The following CPVL variants were observed in gnomAD, a reference collection of about 807,000 sequenced individuals.
CPVL encodes the protein probable serine carboxypeptidase CPVL.
CPVL carries 51 observed loss-of-function variants against 63.7 expected under a neutral mutation model. The observed-to-expected ratio is 0.80, with a 90% CI of 0.64 to 1.01. The LOEUF is 1.01. CPVL is among the 50% of genes least tolerant of loss of function. CPVL has a pLI of 0.00. For missense variants in CPVL, 530 were observed against 573.1 expected, an observed-to-expected ratio of 0.92 and a Z score of 0.77; for synonymous variants, 195 against 206.0, an observed-to-expected ratio of 0.95 and a Z score of 0.46.
intron 7 of CPVL, among the ~76,000 whole-genome samples, chr7:29,078,698 A>G (rs17748895): frequency 0.11 from 16,042 of 152,212 alleles, 1,064 homozygotes; most frequent in Middle Eastern, 0.15. Context: ...AAAGCTTATA[A>G]TGACTTCTGA....
chr7:29,086,397 T>C, intron 7 of CPVL, 87 bp downstream of exon 7: 2 of 928,936 alleles, frequency 2.2e-6, no homozygotes, highest in South Asian at 1.4e-5. Flanking sequence ...TATACATATA[T>C]AGATTTTAAA....
chr7:29,016,403 G>A (rs949602361), intron 12 of CPVL, among the ~76,000 whole-genome samples: 1 of 151,674 alleles, frequency 6.6e-6, no homozygotes, highest in Non-Finnish European at 1.5e-5. Flanking sequence ...GCTAGCAAGC[G>A]GCAAAATGAA....
intron 11 of CPVL, among the ~76,000 whole-genome samples, chr7:29,040,625 C>T (rs746017702): frequency 4.6e-5 from 7 of 152,158 alleles, no homozygotes; most frequent in Non-Finnish European, 7.4e-5. Context: ...TTTGCTTTCA[C>T]GTTTTAAGGA....
intron 3 of CPVL, among the ~76,000 whole-genome samples, chr7:29,098,403 G>C (rs140901639): frequency 1.2e-4 from 19 of 152,286 alleles, no homozygotes; most frequent in Admixed American, 9.2e-4. Context: ...GGGAAGAATG[G>C]CCATGAGCTG....
chr7:29,095,155 A>G lies in CPVL; in HGVS notation c.404-13T>C. 1 of 1,612,108 alleles carries G rather than the reference A, an allele frequency of 6.2e-7. No homozygotes were observed. Among genetic ancestry groups the G allele is most frequent in the Non-Finnish European group, 8.5e-7 (1 of 1,178,282 alleles). ...TCTCTGTCACGCACTGTGAAAACAA[A>G]GAAGAGGGGTGAGATAGAGTCGTGG... On this transcript the variant is annotated splice_polypyrimidine_tract_variant and intron_variant, in intron 4 of 12. Transcript: ENST00000265394.
At chr7:29,179,120 G>C (rs1797745414) in intron 5 of CPVL, among the ~76,000 whole-genome samples, 1 of 152,136 alleles carries the variant, frequency 6.6e-6, no homozygotes, top group African/African-American at 2.4e-5. Flanking sequence ...AGTCCTCATG[G>C]ACCCTTTGAA....
At chr7:29,054,031 C>T (rs1484610773) in intron 11 of CPVL, among the ~76,000 whole-genome samples, 2 of 151,996 alleles carry the variant, frequency 1.3e-5, no homozygotes, top group Non-Finnish European at 2.9e-5. Context: ...ATGACCACAC[C>T]ACTGTACTCC....
intron 2 of CPVL, among the ~76,000 whole-genome samples, chr7:29,186,123 T>C (rs1030385091): frequency 2.0e-5 from 3 of 152,106 alleles, no homozygotes; most frequent in African/African-American, 7.2e-5. Context: ...CCCTTGAAAT[T>C]CCTGCACTCA....
chr7:29,142,653 G>A (rs998848676), intron 1 of CPVL, among the ~76,000 whole-genome samples: 28 of 151,086 alleles, frequency 1.9e-4, no homozygotes, highest in African/African-American at 6.3e-4. Context: ...AGCCTCCTGA[G>A]TAGTTGGGAT....
chr7:29,011,536 C>T (rs2648651), intron 12 of CPVL: 54,756 of 152,138 alleles, frequency 0.36, 9,968 homozygotes, highest in Middle Eastern at 0.43. Flanking sequence ...GATGGTGCTA[C>T]AGCACTTCAG....
chr7:29,061,286 GC>G (rs1027830948), intron 11 of CPVL, among the ~76,000 whole-genome samples: 3 of 152,110 alleles, frequency 2.0e-5, no homozygotes, highest in African/African-American at 7.2e-5. Flanking sequence ...GGTGGCATGT[GC>G]CTGTAATCTC....
intron 12 of CPVL, among the ~76,000 whole-genome samples, chr7:29,025,682 T>C (rs1787424973): frequency 6.6e-6 from 1 of 151,886 alleles, no homozygotes; most frequent in Non-Finnish European, 1.5e-5. Context: ...AAACCAAAAG[T>C]GAGAAGGAGT....
Position 29,110,719 on chromosome 7 carries a change from C to G in CPVL, c.288+1985G>C, listed in dbSNP as rs374369934. 3.9e-5 allele frequency among the ~76,000 whole-genome samples: 6 copies of G among 152,258 alleles called. No homozygotes were observed. In the East Asian group the frequency reaches 9.7e-4, roughly 25 times the overall value. On this transcript the variant is annotated intron_variant, in intron 3 of 12. Coordinates refer to ENST00000265394, the MANE Select transcript of CPVL (RefSeq NM_031311.5). ...TCCTAGAATATGTTAGGTTAGAGGGCAAAAGAGAATTCAGGTTGCAGATGG... is the reference window on the plus strand; with the variant it reads ...TCCTAGAATATGTTAGGTTAGAGGGGAAAAGAGAATTCAGGTTGCAGATGG...
chr7:29,079,231 C>T (rs1584196045), intron 7 of CPVL, among the ~76,000 whole-genome samples: 1 of 152,162 alleles, frequency 6.6e-6, no homozygotes. Flanking sequence ...ATGTTTGACT[C>T]CCCTTCAGAC....
chr7:28,999,765 G>A (rs1295143757), intron 12 of CPVL, among the ~76,000 whole-genome samples: 2 of 152,202 alleles, frequency 1.3e-5, no homozygotes, highest in Non-Finnish European at 2.9e-5. Flanking sequence ...AGCTTGTTAA[G>A]GGACAAAGTT....
chr7:29,072,857 T>C (rs972188939), intron 7 of CPVL, among the ~76,000 whole-genome samples: 2 of 152,194 alleles, frequency 1.3e-5, no homozygotes, highest in African/African-American at 4.8e-5. Flanking sequence ...ACTAAAGGAA[T>C]AGGAGAAGCA....
chr7:29,002,881 AG>A (rs1307987762), intron 12 of CPVL, among the ~76,000 whole-genome samples: 98 of 132,846 alleles, frequency 7.4e-4, no homozygotes, highest in African/African-American at 2.0e-3. Flanking sequence ...AAAAAAAAAA[AG>A]AAGAAGAAGA....
chr7:29,061,736 C>T (rs1044091058), intron 11 of CPVL, among the ~76,000 whole-genome samples: 2 of 152,170 alleles, frequency 1.3e-5, no homozygotes, highest in South Asian at 4.2e-4. Flanking sequence ...CACCTGAGGT[C>T]AGAAGTTTGA....
At chr7:29,163,721 T>C (rs191212375) in intron 5 of CPVL, among the ~76,000 whole-genome samples, 137 of 152,314 alleles carry the variant, frequency 9.0e-4, no homozygotes, top group Admixed American at 2.6e-3. Context: ...CACCAGGCAA[T>C]TGCTGATCAG....
Sources: allele counts gnomAD v4.1 joint callset (sites outside exome capture counted in the v4.1 genomes callset), GRCh38; gene constraint gnomAD v4.1.1; transcripts MANE v1.5; gene names NCBI Gene and HGNC (gene_info 2026-07-23, HGNC 2026-07-21).